Variants in SPEG observed in about 807,000 individuals in gnomAD.
The protein encoded by SPEG is striated muscle preferentially expressed protein kinase.
A neutral mutation model predicts 300.4 loss-of-function variants in SPEG; 114 were observed. That is an observed-to-expected ratio of 0.38 (90% CI 0.33 to 0.44). The LOEUF (loss-of-function observed/expected upper bound fraction) is 0.44, where lower values mean the gene tolerates loss of function less well. Ranked by LOEUF, SPEG falls within the 20% of genes least tolerant of loss-of-function variation. The pLI is 1.00. For missense variants in SPEG, 4,201 were observed against 4,586.2 expected (o/e 0.92, Z 2.43); for synonymous variants, 1,964 against 2,018.9 (o/e 0.97, Z 0.73).
chr2:219,438,142 G>T (rs1376460828), intron 1 of SPEG, among the ~76,000 whole-genome samples: 4 of 152,148 alleles, frequency 2.6e-5, no homozygotes, highest in Non-Finnish European at 5.9e-5. Flanking sequence ...TGGTGGTGCT[G>T]AGATTTGGGG....
At position 219,492,238 on chromosome 2, in the gene SPEG, A is replaced by G; in HGVS notation, c.9589A>G (p.Lys3197Glu). The G allele has an allele frequency of 1.9e-6, 3 of 1,613,438 alleles. No individual in the cohort carries two copies. The highest frequency in any genetic ancestry group is 1.7e-6 in the Non-Finnish European group (2 of 1,179,814). Reference sequence around the variant, plus strand: ...CCAGAGCGCCACCCTCTTCTTGCGAAAGGTTCTCTCTGTACATCCCTGGTG... The same window carrying G: ...CCAGAGCGCCACCCTCTTCTTGCGAGAGGTTCTCTCTGTACATCCCTGGTG... The part of the protein sequence containing the change: ...TSQSATLFLR[K>E]VLSVHPWSRP... Residue 3197 changes from lysine to glutamate, a missense_variant, in exon 40 of 41, where the codon AAG becomes GAG. Coordinates refer to ENST00000312358, the MANE Select transcript of SPEG (RefSeq NM_005876.5).
rs890503732 is a variant in SPEG at position 219,434,855 on chromosome 2, AGGCG to A, written c.-115_-112del. 70 of 635,710 alleles carry A rather than the reference AGGCG, an allele frequency of 1.1e-4. No individual in the cohort carries two copies. The highest frequency in any genetic ancestry group is 8.6e-4 in the Middle Eastern group (2 of 2,328). 39.4% of individuals were successfully genotyped at this position (635,710 alleles called of 1,614,324 possible). ...TGACCTTCTGGGTAGCACAGGCCGA[AGGCG>A]GGCGGGCAGCAGGAAGGCAGGCCGC... On this transcript the variant is annotated 5_prime_UTR_variant, in exon 1 of 41. Transcript: ENST00000312358.
At chr2:219,492,015 T>G in intron 39 of SPEG, 96 bp from the exon 40 acceptor site, 1 of 1,429,288 alleles carries the variant, frequency 7.0e-7, no homozygotes, top group Non-Finnish European at 9.6e-7. Context: ...CACAGTAGCA[T>G]GGCCCTGAGC....
rs1691027275 is a variant in SPEG, at chr2:219,464,145, A to T, written c.2706-288A>T. Among the ~76,000 whole-genome samples the T allele has an allele frequency of 6.6e-6, 1 of 151,744 alleles. No individual in the cohort carries two copies. Among genetic ancestry groups the T allele is most frequent in the African/African-American group, 2.4e-5 (1 of 41,298 alleles). On this transcript the variant is annotated intron_variant, in intron 8 of 40. Transcript: ENST00000312358. This position sits in a 1 kb window ranked among gnomAD's most constrained non-coding sequence, Gnocchi z 4.5. Reference sequence around the variant, plus strand: ...TTAAAAAAAAAAAAAAAAGACAAGAAAAAAGAGCTAAATAGCACGGCTCCA... The same window carrying T: ...TTAAAAAAAAAAAAAAAAGACAAGATAAAAGAGCTAAATAGCACGGCTCCA...
At position 219,480,228 on chromosome 2, in the gene SPEG, G is replaced by A. The variant is rs1341544743; in HGVS notation, c.5342+88G>A. 11 of 1,407,288 alleles carry A rather than the reference G, an allele frequency of 7.8e-6. No homozygotes were observed. In the African/African-American group the frequency reaches 8.5e-5, roughly 11 times the overall value. The allele number at this position is 1,407,288 out of a possible 1,614,324, so 87.2% of individuals were successfully genotyped here. ...GCGCTCACTGGCAGGGAGATTTACC[G>A]AGCCTGAATTCCTCCTGAAGGTGGG... On this transcript the variant is annotated intron_variant, in intron 25 of 40. Transcript: ENST00000312358. The surrounding 1 kb of genome is among the most constrained non-coding windows in gnomAD (Gnocchi z 5.3).
chr2:219,485,527 C>T (rs758777356), intron 31 of SPEG, 50 bp downstream of exon 31: 7 of 1,491,452 alleles, frequency 4.7e-6, no homozygotes, highest in East Asian at 2.5e-5. Context: ...CTGCCCTCCC[C>T]TACCCCCATC....
chr2:219,451,081 C>T lies in SPEG; in HGVS notation c.2114-55C>T. ...CAGGCCACCAGGACTCTCTCTCCCG[C>T]TGTCATCCCTGCAGGGATCATGGCC... is the stretch of plus-strand genomic sequence containing the variant. On this transcript the variant is annotated intron_variant, in intron 4 of 40. Transcript: ENST00000312358. The surrounding 1 kb of genome is among the most constrained non-coding windows in gnomAD (Gnocchi z 6.4). 3 of 1,482,158 alleles carry T rather than the reference C, an allele frequency of 2.0e-6. No homozygotes were observed. Among genetic ancestry groups the T allele is most frequent in the Non-Finnish European group, 2.7e-6 (3 of 1,116,302 alleles). 91.8% of individuals were successfully genotyped at this position (1,482,158 alleles called of 1,614,324 possible).
In SPEG at chr2:219,448,624, A is replaced by G; in HGVS notation, c.1466A>G (p.Asp489Gly). The change falls in exon 4 of 41, where the codon GAC becomes GGC. Residue 489 changes from aspartate to glycine, a missense_variant. Physicochemically the swap from Asp to Gly is moderately conservative, Grantham distance 94. Transcript: ENST00000312358. ...ERTRQRSPAS[D>G]LELRFAQELG... ...ACGCGTCAGCGCAGCCCGGCCTCAGACCTCGAGCTGCGCTTCGCCCAGGAG... is the reference window on the plus strand; with the variant it reads ...ACGCGTCAGCGCAGCCCGGCCTCAGGCCTCGAGCTGCGCTTCGCCCAGGAG... 1 of 1,481,324 alleles carries G rather than the reference A, an allele frequency of 6.8e-7. No individual in the cohort carries two copies. Among genetic ancestry groups the G allele is most frequent in the African/African-American group, 1.5e-5 (1 of 68,262 alleles). 91.8% of individuals were successfully genotyped at this position (1,481,324 alleles called of 1,614,324 possible).
Position 219,479,846 on chromosome 2 carries a change from C to T in SPEG, c.5149C>T (p.His1717Tyr). The T allele has an allele frequency of 1.9e-6, 3 of 1,614,128 alleles. No homozygotes were observed. Among genetic ancestry groups the T allele is most frequent in the South Asian group, 1.1e-5 (1 of 91,084 alleles). ...IHYLHQSHVLHLDVKPENLLV... is the reference protein window; with the variant it reads ...IHYLHQSHVLYLDVKPENLLV... The stretch of plus-strand genomic sequence containing the variant: ...CTACCTGCACCAGAGCCACGTGCTG[C>T]ACCTCGATGTCAAGGTGAGGTGGGG... Residue 1717 changes from histidine (H) to tyrosine (Y), a missense_variant, in exon 24 of 41, where the codon CAC (histidine) becomes TAC (tyrosine). Coordinates refer to ENST00000312358, the MANE Select transcript of SPEG (RefSeq NM_005876.5). This position sits in a 1 kb window ranked among gnomAD's most constrained non-coding sequence, Gnocchi z 5.5.
intron 15 of SPEG, 116 bp from the exon 16 acceptor site, chr2:219,472,774 G>T: frequency 1.2e-6 from 1 of 825,818 alleles, no homozygotes; most frequent in Non-Finnish European, 1.9e-6. Context: ...CAACAGCAGA[G>T]ACTGAGGCAC....
intron 31 of SPEG, among the ~76,000 whole-genome samples, chr2:219,487,044 G>C (rs1476699337): frequency 6.6e-6 from 1 of 152,074 alleles, no homozygotes; most frequent in African/African-American, 2.4e-5. Context: ...AGCAGCTGGG[G>C]CTCACAAGGC....
rs1690433778 is a variant in SPEG, at chr2:219,459,161, G to A, written c.2441-2721G>A. On this transcript the variant is annotated intron_variant, in intron 6 of 40. Coordinates refer to ENST00000312358, the MANE Select transcript of SPEG (RefSeq NM_005876.5). This position sits in a 1 kb window ranked among gnomAD's most constrained non-coding sequence, Gnocchi z 4.9. ...GCATGGGGTCAGCGTGGGGGATTGG[G>A]AGCCAGTGTGAAGGGGCGGTACTTC... is the stretch of plus-strand genomic sequence containing the variant. Among the ~76,000 whole-genome samples the A allele has an allele frequency of 6.6e-6, 1 of 152,224 alleles. No homozygotes were observed. The highest frequency in any genetic ancestry group is 2.4e-5 in the African/African-American group (1 of 41,472).
At chr2:219,475,357 C>T (rs1692240759) in intron 18 of SPEG, among the ~76,000 whole-genome samples, 1 of 152,126 alleles carries the variant, frequency 6.6e-6, no homozygotes, top group South Asian at 2.1e-4. Flanking sequence ...TTCAAAAAAC[C>T]ATTGAAGCTC....
At chr2:219,491,936 C>A in intron 39 of SPEG, 67 bp downstream of exon 39, 1 of 1,426,018 alleles carries the variant, frequency 7.0e-7, no homozygotes, top group Non-Finnish European at 9.5e-7. Context: ...TCACCTTCTG[C>A]CAACACCCTC....
chr2:219,484,933 G>A lies in SPEG; in HGVS notation c.7470G>A (p.Arg2490=), dbSNP rs1172907378. ...ASGRSTPLFG[R]LRRATSEGES... ...GCCGCAGCACGCCGCTGTTCGGACGGCTTCGCAGGGCCACGTCCGAGGGCG... is the reference window on the plus strand; with the variant it reads ...GCCGCAGCACGCCGCTGTTCGGACGACTTCGCAGGGCCACGTCCGAGGGCG... Residue 2490 remains arginine, a synonymous_variant, in exon 30 of 41, where the codon CGG becomes CGA. Transcript: ENST00000312358. 6.5e-7 allele frequency: 1 copy of A among 1,529,076 alleles called. No individual in the cohort carries two copies. Among genetic ancestry groups the A allele is most frequent in the Non-Finnish European group, 8.7e-7 (1 of 1,144,388 alleles). The allele number at this position is 1,529,076 out of a possible 1,614,324, so 94.7% of individuals were successfully genotyped here.
Position 219,489,660 on chromosome 2 carries a change from C to T in SPEG, c.8642C>T (p.Thr2881Ile), listed in dbSNP as rs1457843405. ...AAGCCTTTCGTCCTTGACACTGGGA[C>T]CCCGATCCCAGCCTCCACTCCTCAA... Reference protein sequence around the residue: ...EPKPFVLDTGTPIPASTPQGV... With the variant: ...EPKPFVLDTGIPIPASTPQGV... The change falls in exon 36 of 41, where the codon ACC becomes ATC. Residue 2881 changes from threonine (T) to isoleucine (I), a missense_variant. Around this residue, in one of 4 missense-constraint regions of SPEG, gnomAD observed 1,578 missense variants for 1,506.0 expected, o/e 1.05. Transcript: ENST00000312358. The T allele has an allele frequency of 2.5e-6, 4 of 1,613,846 alleles. No individual in the cohort carries two copies. The highest frequency in any genetic ancestry group is 2.7e-5 in the African/African-American group (2 of 74,896).
intron 6 of SPEG, among the ~76,000 whole-genome samples, chr2:219,454,190 T>C (rs1204973544): frequency 6.6e-6 from 1 of 152,072 alleles, no homozygotes; most frequent in Non-Finnish European, 1.5e-5. Flanking sequence ...CAATTCCTGG[T>C]TGGGAGCCAT....
chr2:219,484,764 G>A lies in SPEG; in HGVS notation c.7301G>A (p.Gly2434Glu). 6.8e-7 allele frequency: 1 copy of A among 1,460,232 alleles called. No individual in the cohort carries two copies. The highest frequency in any genetic ancestry group is 8.9e-7 in the Non-Finnish European group (1 of 1,118,128). The allele number at this position is 1,460,232 out of a possible 1,614,324, so 90.5% of individuals were successfully genotyped here. Reference sequence around the variant, plus strand: ...CACCCGGCCTGGGAGGCCCGCGGCGGGGACGGAGAGAGCTCGGAGGGCGGG... The same window carrying A: ...CACCCGGCCTGGGAGGCCCGCGGCGAGGACGGAGAGAGCTCGGAGGGCGGG... ...QRHPAWEARGGDGESSEGGSS... is the reference protein window; with the variant it reads ...QRHPAWEARGEDGESSEGGSS... Residue 2434 changes from glycine to glutamate, a missense_variant, in exon 30 of 41, where the codon GGG becomes GAG. Coordinates refer to ENST00000312358, the MANE Select transcript of SPEG (RefSeq NM_005876.5).
intron 31 of SPEG, among the ~76,000 whole-genome samples, chr2:219,486,191 G>A (rs1485260831): frequency 6.6e-6 from 1 of 152,256 alleles, no homozygotes; most frequent in Non-Finnish European, 1.5e-5. Flanking sequence ...GTGTCCTGGA[G>A]CTCCAGATAG....
Sources: gnomAD v4.1 joint callset for allele counts (sites outside exome capture counted in the v4.1 genomes callset) on GRCh38, gnomAD v4.1.1 for gene constraint, gnomAD v4.1.1 regional missense constraint, Gnocchi (gnomAD v3.1) non-coding constraint, MANE v1.5 for transcripts, NCBI Gene and HGNC (gene_info 2026-07-23, HGNC 2026-07-21) for gene names.